The following ZNF226 variants were observed in gnomAD, a reference collection of about 807,000 sequenced individuals.
The protein encoded by ZNF226 is Kruppel-associated box protein.
In ZNF226, 6 loss-of-function variants were observed where a neutral mutation model predicts 11.4. That is an observed-to-expected ratio of 0.53 (90% CI 0.29 to 1.04). The LOEUF (loss-of-function observed/expected upper bound fraction) is 1.04, where lower values mean the gene tolerates loss of function less well. Ranked by LOEUF, ZNF226 falls within the 50% of genes least tolerant of loss-of-function variation. ZNF226 has a pLI of 0.08. For synonymous variants in ZNF226, 350 were observed against 322.8 expected (o/e 1.08, Z -0.90); for missense variants, 1,058 against 956.5 (o/e 1.11, Z -1.40).
downstream of ZNF226, among the ~76,000 whole-genome samples, chr19:44,180,186 T>A (rs1315903682): frequency 6.6e-6 from 1 of 151,156 alleles, no homozygotes; most frequent in African/African-American, 2.4e-5. Flanking sequence ...TTAACAAAGA[T>A]TCCCTGAGGA....
intron 2 of ZNF226, chr19:44,169,762 T>G (rs959156076): frequency 3.6e-6 from 1 of 276,052 alleles, no homozygotes; most frequent in African/African-American, 2.2e-5. Context: ...ACTGTACTTA[T>G]ATTGTCTCAA....
downstream of ZNF226, among the ~76,000 whole-genome samples, chr19:44,181,564 G>A (rs759138333): frequency 9.2e-5 from 14 of 152,214 alleles, no homozygotes; most frequent in East Asian, 1.3e-3. Flanking sequence ...CAAAATCAGC[G>A]GCTGAATGAC....
the ZNF226 span, among the ~76,000 whole-genome samples, chr19:44,183,507 T>C: frequency 6.6e-6 from 1 of 152,178 alleles, no homozygotes; most frequent in Non-Finnish European, 1.5e-5. Flanking sequence ...ACCACATTCA[T>C]GGAGGAATTG....
the ZNF226 span, among the ~76,000 whole-genome samples, chr19:44,198,014 G>T: frequency 6.6e-6 from 1 of 152,100 alleles, no homozygotes; most frequent in Admixed American, 6.5e-5. Flanking sequence ...CATATGGGAT[G>T]TGCTAAAGGT....
the ZNF226 span, among the ~76,000 whole-genome samples, chr19:44,187,900 T>C: frequency 6.6e-6 from 1 of 152,180 alleles, no homozygotes; most frequent in Admixed American, 6.5e-5. This position sits in a 1 kb window ranked among gnomAD's most constrained non-coding sequence, Gnocchi z 4.0. Context: ...TGTTTAAGCA[T>C]GCATTGTTTA....
the ZNF226 span, among the ~76,000 whole-genome samples, chr19:44,186,360 ATCT>A: frequency 2.0e-5 from 3 of 152,012 alleles, no homozygotes; most frequent in Admixed American, 2.0e-4. Flanking sequence ...ATTTATTTGT[ATCT>A]TCTTAGATTT....
intron 3 of ZNF226, among the ~76,000 whole-genome samples, chr19:44,171,260 A>AT (rs199579437): frequency 0.012 from 1,806 of 152,080 alleles, 31 homozygotes; most frequent in African/African-American, 0.039. Flanking sequence ...GGTACTTCAG[A>AT]TTTTTTTTGA....
the ZNF226 span, among the ~76,000 whole-genome samples, chr19:44,193,168 A>AT: frequency 1.3e-5 from 2 of 152,026 alleles, no homozygotes; most frequent in African/African-American, 2.4e-5. Context: ...GTTATTTACT[A>AT]TTTTTTCTGA....
the ZNF226 span, among the ~76,000 whole-genome samples, chr19:44,192,222 G>A: frequency 6.6e-6 from 1 of 152,248 alleles, no homozygotes; most frequent in African/African-American, 2.4e-5. Flanking sequence ...GATTCTCCTA[G>A]GCCTTAAAGA....
At chr19:44,179,872 C>A (rs1363526715), downstream of ZNF226, among the ~76,000 whole-genome samples, 1 of 151,856 alleles carries the variant, frequency 6.6e-6, no homozygotes. Flanking sequence ...CACCTGAGGT[C>A]AGGAGTTTGA....
At chr19:44,180,318 G>T (rs115267075), downstream of ZNF226, among the ~76,000 whole-genome samples, 382 of 152,156 alleles carry the variant, frequency 2.5e-3, 2 homozygotes, top group African/African-American at 8.7e-3. Flanking sequence ...AGCTTATTTG[G>T]TTAAAGGCTT....
intron 1 of ZNF226, chr19:44,165,448 C>T (rs956861957): frequency 6.6e-6 from 1 of 152,138 alleles, no homozygotes; most frequent in African/African-American, 2.4e-5. Flanking sequence ...GTTAGTTAAT[C>T]CCCGTGCCTT....
the ZNF226 span, among the ~76,000 whole-genome samples, chr19:44,192,075 C>T: frequency 6.6e-6 from 1 of 152,068 alleles, no homozygotes; most frequent in Non-Finnish European, 1.5e-5. Context: ...AAAACAAGTA[C>T]CTTGAGCAGG....
Position 44,176,591 on chromosome 19 carries a change from A to G in ZNF226, c.1329A>G (p.Gly443=). The G allele has an allele frequency of 6.2e-7, 1 of 1,614,154 alleles. No homozygotes were observed. Among genetic ancestry groups the G allele is most frequent in the Non-Finnish European group, 8.5e-7 (1 of 1,180,032 alleles). Residue 443 remains glycine, a synonymous_variant, in exon 6 of 6, where the codon GGA becomes GGG. Transcript: ENST00000337433. ...ACATTCATCAGAGAGTCCACACAGG[A>G]GAAAAACCCTATAAATGTGAGGAAT... ...NLYIHQRVHT[G]EKPYKCEECG... is the part of the protein sequence containing the mutation.
At chr19:44,195,908 GCATAATGTTCTAGCAT>G in the ZNF226 span, among the ~76,000 whole-genome samples, 2 of 152,216 alleles carry the variant, frequency 1.3e-5, no homozygotes, top group Non-Finnish European at 2.9e-5. Context: ...AGGTAATTCT[GCATAATGTTCTAGCAT>G]CACCTAAAAC....
chr19:44,170,366 GC>G (rs1969938034), intron 3 of ZNF226, among the ~76,000 whole-genome samples: 1 of 152,190 alleles, frequency 6.6e-6, no homozygotes, highest in Admixed American at 6.5e-5. Context: ...GGAGGCCGAG[GC>G]AGGGGGTGGG....
rs1359601899 is a variant in ZNF226, at chr19:44,175,739, T to C, written c.477T>C (p.Thr159=). Residue 159 remains threonine (T), a synonymous_variant, in exon 6 of 6, where the codon ACT becomes ACC. Coordinates refer to ENST00000337433, the MANE Select transcript of ZNF226 (RefSeq NM_001032373.2). ...IVNKADGPNN[T]GNPEFPILRT... is the part of the protein sequence containing the mutation. ...ATAAAGCAGATGGTCCCAATAATAC[T>C]GGGAATCCAGAGTTTCCTATCTTGA... 2 of 1,612,922 alleles carry C rather than the reference T, an allele frequency of 1.2e-6. No homozygotes were observed. Among genetic ancestry groups the C allele is most frequent in the East Asian group, 2.2e-5 (1 of 44,872 alleles).
At chr19:44,197,039 T>A in the ZNF226 span, among the ~76,000 whole-genome samples, 1 of 152,242 alleles carries the variant, frequency 6.6e-6, no homozygotes, top group African/African-American at 2.4e-5. Flanking sequence ...TATCTTTATA[T>A]ATATGAAACC....
chr19:44,172,851 T>C lies in ZNF226; in HGVS notation c.143-9T>C. ...TTCATTTTCAACTTGTGATTTGGCA[T>C]TTTCACAGGGCATCCACCCTTCAAA... On this transcript the variant is annotated splice_polypyrimidine_tract_variant and intron_variant, in intron 4 of 5. Coordinates refer to ENST00000337433, the MANE Select transcript of ZNF226 (RefSeq NM_001032373.2). 6.3e-7 allele frequency: 1 copy of C among 1,589,358 alleles called. No homozygotes were observed. Among genetic ancestry groups the C allele is most frequent in the Non-Finnish European group, 8.6e-7 (1 of 1,167,548 alleles).
Sources: allele counts gnomAD v4.1 joint callset (sites outside exome capture counted in the v4.1 genomes callset), GRCh38; gene constraint gnomAD v4.1.1; non-coding constraint Gnocchi (gnomAD v3.1); transcripts MANE v1.5; gene names NCBI Gene and HGNC (gene_info 2026-07-23, HGNC 2026-07-21).